The following MACROD2 variants were observed in gnomAD, a reference collection of about 807,000 sequenced individuals.
MACROD2 encodes the protein ADP-ribose glycohydrolase MACROD2.
In MACROD2, 36 loss-of-function variants were observed where a neutral mutation model predicts 70.4. That is an observed-to-expected ratio of 0.51 (90% CI 0.39 to 0.68). The LOEUF (loss-of-function observed/expected upper bound fraction) is 0.68. Ranked by LOEUF, MACROD2 falls within the 30% of genes least tolerant of loss-of-function variation. The pLI, the probability that MACROD2 is intolerant of heterozygous loss-of-function variation, is 0.00. For missense variants in MACROD2, 496 were observed against 538.4 expected (o/e 0.92, Z 0.78); for synonymous variants, 172 against 178.8 (o/e 0.96, Z 0.30).
At chr20:14,434,245 G>A (rs931608599) in intron 3 of MACROD2, among the ~76,000 whole-genome samples, 3 of 152,154 alleles carry the variant, frequency 2.0e-5, no homozygotes, top group East Asian at 1.9e-4. Context: ...TTGCTACAGC[G>A]TACCTTGTGG....
At chr20:15,298,718 C>T (rs1600214761) in intron 6 of MACROD2, among the ~76,000 whole-genome samples, 1 of 152,150 alleles carries the variant, frequency 6.6e-6, no homozygotes, top group South Asian at 2.1e-4. Context: ...TTCCCTTTAA[C>T]ACTTTATTTT....
chr20:15,586,732 A>G lies in MACROD2; in HGVS notation c.645+86885A>G, dbSNP rs370999528. Among the ~76,000 whole-genome samples, 3 of 152,348 alleles carry G rather than the reference A, an allele frequency of 2.0e-5. No homozygotes were observed. In the East Asian group the frequency reaches 5.8e-4, roughly 29 times the overall value. ...AAAACAAACTATTTGTACAATAGAA[A>G]TGTTCAATAACTTGGCTGTGTACAA... On this transcript the variant is annotated intron_variant, in intron 8 of 17. Transcript: ENST00000684519.
At position 15,606,536 on chromosome 20, in the gene MACROD2, C is replaced by T. The variant is rs185226435; in HGVS notation, c.645+106689C>T. On this transcript the variant is annotated intron_variant, in intron 8 of 17. Coordinates refer to ENST00000684519, the MANE Select transcript of MACROD2 (RefSeq NM_001351661.2). ...CTGTGCAGCACTTGCCACATTAAAT[C>T]GTATGGTATTTGTGTCCCAACGCAC... 3.4e-4 allele frequency among the ~76,000 whole-genome samples: 52 copies of T among 152,260 alleles called. No individual in the cohort carries two copies. The Middle Eastern group carries it at 0.01, about 30-fold the overall frequency.
intron 6 of MACROD2, among the ~76,000 whole-genome samples, chr20:15,400,343 C>T (rs1389662862): frequency 6.6e-6 from 1 of 152,126 alleles, no homozygotes; most frequent in Non-Finnish European, 1.5e-5. Context: ...AGCACAGATG[C>T]TTGTTGCTTT....
intron 5 of MACROD2, among the ~76,000 whole-genome samples, chr20:15,226,423 T>G (rs2076906706): frequency 6.6e-6 from 1 of 152,202 alleles, no homozygotes; most frequent in African/African-American, 2.4e-5. Flanking sequence ...TACATTATCT[T>G]ATTTATACCA....
intron 8 of MACROD2, among the ~76,000 whole-genome samples, chr20:15,510,116 G>A (rs970596416): frequency 6.6e-6 from 1 of 152,122 alleles, no homozygotes; most frequent in Admixed American, 6.5e-5. Context: ...TAAATGATCC[G>A]GATTATATGG....
intron 2 of MACROD2, among the ~76,000 whole-genome samples, chr20:14,022,723 C>A (rs1376199519): frequency 6.6e-6 from 1 of 152,046 alleles, no homozygotes; most frequent in Non-Finnish European, 1.5e-5. Flanking sequence ...TGTTAGTTTG[C>A]CGAGATTGAT....
At chr20:14,852,714 A>G (rs1294193110) in intron 5 of MACROD2, among the ~76,000 whole-genome samples, 1 of 152,172 alleles carries the variant, frequency 6.6e-6, no homozygotes, top group Non-Finnish European at 1.5e-5. Flanking sequence ...CTAGAGGGCA[A>G]TGGGAAATCA....
intron 8 of MACROD2, among the ~76,000 whole-genome samples, chr20:15,650,139 G>T (rs461363): frequency 6.6e-6 from 1 of 152,152 alleles, no homozygotes; most frequent in Admixed American, 6.5e-5. Flanking sequence ...AGGACTTGCT[G>T]CTTCTGGTTT....
chr20:14,559,936 G>T (rs906759314), intron 4 of MACROD2, among the ~76,000 whole-genome samples: 2 of 151,818 alleles, frequency 1.3e-5, no homozygotes. Flanking sequence ...TACACATAAG[G>T]CTGCAATCTG....
At chr20:15,865,106 A>G (rs1425897375) in intron 9 of MACROD2, among the ~76,000 whole-genome samples, 1 of 152,124 alleles carries the variant, frequency 6.6e-6, no homozygotes, top group Non-Finnish European at 1.5e-5. Context: ...AGTGTTCATA[A>G]TCTTTCCCAA....
intron 8 of MACROD2, among the ~76,000 whole-genome samples, chr20:15,681,014 A>C (rs982429752): frequency 6.6e-6 from 1 of 152,152 alleles, no homozygotes; most frequent in Non-Finnish European, 1.5e-5. Context: ...AAAGTCATAA[A>C]CTCAGGCTGC....
At chr20:14,846,380 T>A (rs183421432) in intron 5 of MACROD2, among the ~76,000 whole-genome samples, 129 of 145,672 alleles carry the variant, frequency 8.9e-4, no homozygotes, top group Middle Eastern at 4.2e-3. Context: ...CACGCCACCA[T>A]GCCTGGCTAA....
At position 16,050,811 on chromosome 20, in the gene MACROD2, T is replaced by C. The variant is rs1481921491; in HGVS notation, c.*935T>C. The C allele has an allele frequency of 6.6e-6, 1 of 152,266 alleles. No individual in the cohort carries two copies. Among genetic ancestry groups the C allele is most frequent in the Non-Finnish European group, 1.5e-5 (1 of 68,052 alleles). The allele number at this position is 152,266 out of a possible 1,614,324, so 9.4% of individuals were successfully genotyped here. A position where few individuals can be genotyped will look rare whatever the true frequency, so the allele number is the denominator to read the frequency against. Reference sequence around the variant, plus strand: ...GTTTTCCATAAAAGAATATCCTGTCTTCACCCAAGGCTTGACAGCCCACAG... The same window carrying C: ...GTTTTCCATAAAAGAATATCCTGTCCTCACCCAAGGCTTGACAGCCCACAG... On this transcript the variant is annotated 3_prime_UTR_variant, in exon 18 of 18. Coordinates refer to ENST00000684519, the MANE Select transcript of MACROD2 (RefSeq NM_001351661.2).
chr20:15,811,117 C>A (rs1233840579), intron 8 of MACROD2, among the ~76,000 whole-genome samples: 1 of 152,102 alleles, frequency 6.6e-6, no homozygotes, highest in African/African-American at 2.4e-5. Context: ...AGCTTCTACA[C>A]AGCAAAAGAA....
intron 5 of MACROD2, among the ~76,000 whole-genome samples, chr20:14,887,399 GTTTTT>G (rs11476428): frequency 0.31 from 44,319 of 144,702 alleles, 7,023 homozygotes; most frequent in East Asian, 0.51. Flanking sequence ...AGCTTTTTTT[GTTTTT>G]TTTTTTTTTT....
At chr20:15,853,091 G>C (rs1378450423) in intron 8 of MACROD2, among the ~76,000 whole-genome samples, 2 of 152,110 alleles carry the variant, frequency 1.3e-5, no homozygotes, top group East Asian at 3.9e-4. Flanking sequence ...TTCTCATCTG[G>C]CTATACCTCG....
intron 3 of MACROD2, among the ~76,000 whole-genome samples, chr20:14,233,601 G>A (rs1043027838): frequency 1.3e-4 from 20 of 150,064 alleles, no homozygotes; most frequent in African/African-American, 4.9e-4. Flanking sequence ...GGAGGCTGAG[G>A]CAGGAGAATG....
chr20:14,668,540 A>T (rs761597857), intron 4 of MACROD2, among the ~76,000 whole-genome samples: 4 of 152,182 alleles, frequency 2.6e-5, no homozygotes, highest in African/African-American at 9.7e-5. Flanking sequence ...GGATCCTCCC[A>T]TAGGTTCCAT....
Sources: gnomAD v4.1 joint callset for allele counts (sites outside exome capture counted in the v4.1 genomes callset) on GRCh38, gnomAD v4.1.1 for gene constraint, MANE v1.5 for transcripts, NCBI Gene and HGNC (gene_info 2026-07-23, HGNC 2026-07-21) for gene names.